Variants in ANLN observed in about 807,000 individuals in gnomAD.
ANLN encodes the protein anillin.
A neutral mutation model predicts 135.1 loss-of-function variants in ANLN; 59 were observed. The observed-to-expected ratio is 0.44, with a 90% CI of 0.35 to 0.54. The LOEUF is 0.54. Among genes scored for constraint, ANLN ranks in the 20% least tolerant of loss-of-function variants. The pLI, the probability that ANLN is intolerant of heterozygous loss-of-function variation, is 0.00. For missense variants in ANLN, 1,182 were observed against 1,340.0 expected (o/e 0.88, Z 1.84); for synonymous variants, 406 against 456.4 (o/e 0.89, Z 1.41).
In ANLN at chr7:36,415,683, T is replaced by C; in HGVS notation, c.1396-75T>C. On this transcript the variant is annotated intron_variant, in intron 7 of 23. Transcript: ENST00000265748. ...AGAATAATATTTAATAATAATCTTG[T>C]TTCATTTAATAACATAGAAAGATAA... 1.4e-5 allele frequency: 20 copies of C among 1,403,202 alleles called. 1 individual carries two copies. In the South Asian group the frequency reaches 2.1e-4, roughly 15 times the overall value. 86.9% of individuals were successfully genotyped at this position (1,403,202 alleles called of 1,614,324 possible).
intron 23 of ANLN, among the ~76,000 whole-genome samples, chr7:36,450,269 C>A (rs1228385714): frequency 1.3e-5 from 2 of 152,140 alleles, no homozygotes; most frequent in Non-Finnish European, 2.9e-5. Flanking sequence ...TGGAGATTAA[C>A]AGAATAAAAC....
At chr7:36,400,908 GA>G (rs536148704) in intron 3 of ANLN, among the ~76,000 whole-genome samples, 2 of 152,280 alleles carry the variant, frequency 1.3e-5, no homozygotes, top group South Asian at 2.1e-4. Flanking sequence ...CCAGAATTGA[GA>G]TCAAGTGATC....
Position 36,452,797 on chromosome 7 carries a change from A to G in ANLN, c.*197A>G. The G allele has an allele frequency of 2.1e-6, 1 of 481,184 alleles. No homozygotes were observed. Among genetic ancestry groups the G allele is most frequent in the Non-Finnish European group, 3.5e-6 (1 of 281,898 alleles). 29.8% of individuals were successfully genotyped at this position (481,184 alleles called of 1,614,324 possible). Reference sequence around the variant, plus strand: ...TTTCTGTCATTCATCAATGAGTAGAAGTAAATACATTATAGTTGATTTTGC... The same window carrying G: ...TTTCTGTCATTCATCAATGAGTAGAGGTAAATACATTATAGTTGATTTTGC... On this transcript the variant is annotated 3_prime_UTR_variant, in exon 24 of 24. Coordinates refer to ENST00000265748, the MANE Select transcript of ANLN (RefSeq NM_018685.5).
At chr7:36,438,284 G>A (rs1788627636) in intron 20 of ANLN, among the ~76,000 whole-genome samples, 2 of 152,094 alleles carry the variant, frequency 1.3e-5, no homozygotes, top group African/African-American at 4.8e-5. Context: ...AAATCAGTTG[G>A]CCATAAGATG....
At chr7:36,420,428 T>G in intron 11 of ANLN, 114 bp downstream of exon 11, 2 of 1,393,588 alleles carry the variant, frequency 1.4e-6, no homozygotes, top group Non-Finnish European at 2.0e-6. Flanking sequence ...TATAAAAGTT[T>G]GGAATAACTT....
At chr7:36,414,169 G>A (rs1429278761) in intron 7 of ANLN, among the ~76,000 whole-genome samples, 1 of 152,188 alleles carries the variant, frequency 6.6e-6, no homozygotes, top group Non-Finnish European at 1.5e-5. Context: ...GTGGCGTGCA[G>A]GTGGTGCTGT....
intron 18 of ANLN, 93 bp downstream of exon 18, chr7:36,425,833 C>T: frequency 1.5e-6 from 2 of 1,357,010 alleles, no homozygotes; most frequent in South Asian, 1.3e-5. Context: ...GAACCTTGAG[C>T]ACTGTGGAAA....
intron 2 of ANLN, 110 bp from the exon 3 acceptor site, chr7:36,398,969 A>C: frequency 1.2e-6 from 1 of 828,142 alleles, no homozygotes; most frequent in South Asian, 1.8e-5. Context: ...AAAATCATTT[A>C]AAAGAATAGG....
intron 3 of ANLN, among the ~76,000 whole-genome samples, chr7:36,400,089 G>T (rs1357309008): frequency 6.6e-6 from 1 of 152,128 alleles, no homozygotes; most frequent in Admixed American, 6.5e-5. Flanking sequence ...AAACAAAGAA[G>T]TGAAAAGTAA....
intron 20 of ANLN, among the ~76,000 whole-genome samples, chr7:36,435,088 C>A (rs980224707): frequency 4.6e-5 from 7 of 152,100 alleles, no homozygotes; most frequent in Non-Finnish European, 1.0e-4. Flanking sequence ...AAACCCTACA[C>A]TTTAAATATG....
At chr7:36,417,708 C>T (rs907757194) in intron 9 of ANLN, among the ~76,000 whole-genome samples, 3 of 129,530 alleles carry the variant, frequency 2.3e-5, no homozygotes, top group Non-Finnish European at 3.2e-5. Context: ...GAGACAGTCT[C>T]ACTCTGTCGC....
chr7:36,390,315 C>T (rs1786382214), intron 1 of ANLN: 3 of 525,682 alleles, frequency 5.7e-6, no homozygotes, highest in Admixed American at 3.3e-5. Context: ...CTTTCAGCCC[C>T]CGTTTTTACC....
At chr7:36,415,278 C>T (rs1787592663) in intron 7 of ANLN, among the ~76,000 whole-genome samples, 1 of 152,180 alleles carries the variant, frequency 6.6e-6, no homozygotes, top group Non-Finnish European at 1.5e-5. Context: ...CTCCGGGTAA[C>T]TGATAATTAA....
chr7:36,399,531 T>C (rs1226360417), intron 3 of ANLN, 138 bp downstream of exon 3: 2 of 811,304 alleles, frequency 2.5e-6, no homozygotes, highest in African/African-American at 3.5e-5. Flanking sequence ...TTTGCTTGCA[T>C]ATGGTTTGTC....
rs1787679812 is a variant in ANLN, at chr7:36,417,194, G to A, written c.1633+4G>A. On this transcript the variant is annotated splice_donor_region_variant and intron_variant, in intron 9 of 23. Coordinates refer to ENST00000265748, the MANE Select transcript of ANLN (RefSeq NM_018685.5). ...CCAAAGGTTGAGCAGAAAATTGGTT[G>A]GTTTTTATTCTTTATTTATTATTAA... 1.3e-6 allele frequency: 2 copies of A among 1,541,930 alleles called. No homozygotes were observed. The highest frequency in any genetic ancestry group is 1.4e-5 in the African/African-American group (1 of 72,554).
intron 18 of ANLN, 36 bp from the exon 19 acceptor site, chr7:36,425,979 T>G: frequency 6.8e-7 from 1 of 1,466,480 alleles, no homozygotes; most frequent in Non-Finnish European, 9.2e-7. Context: ...GGAAATAACT[T>G]ATGTTTCTTC....
chr7:36,422,306 T>TCC (rs1491028960), intron 13 of ANLN, among the ~76,000 whole-genome samples: 2 of 150,504 alleles, frequency 1.3e-5, no homozygotes, highest in Non-Finnish European at 1.5e-5. Context: ...TCTCTCTCTC[T>TCC]CCCTTCCTTC....
At chr7:36,399,630 G>C (rs1380479554) in intron 3 of ANLN, among the ~76,000 whole-genome samples, 2 of 152,172 alleles carry the variant, frequency 1.3e-5, no homozygotes, top group African/African-American at 4.8e-5. Flanking sequence ...TCTTATAACT[G>C]TATTACCTTA....
chr7:36,409,266 T>G (rs764684189), intron 5 of ANLN, among the ~76,000 whole-genome samples: 3 of 152,268 alleles, frequency 2.0e-5, no homozygotes, highest in Non-Finnish European at 4.4e-5. Context: ...GTATTCTTAA[T>G]GGACTCTAGT....
Sources: gnomAD v4.1 joint callset for allele counts (sites outside exome capture counted in the v4.1 genomes callset) on GRCh38, gnomAD v4.1.1 for gene constraint, MANE v1.5 for transcripts, NCBI Gene and HGNC (gene_info 2026-07-23, HGNC 2026-07-21) for gene names.